Variants in DNAH6 observed in about 807,000 individuals in gnomAD.
The protein encoded by DNAH6 is axonemal beta dynein heavy chain 6.
A neutral mutation model predicts 491.4 loss-of-function variants in DNAH6; 340 were observed. The ratio of observed to expected loss-of-function variants is 0.69; its 90% CI spans 0.63 to 0.76. The LOEUF (loss-of-function observed/expected upper bound fraction) is 0.76. Ranked by LOEUF, DNAH6 falls within the 30% of genes least tolerant of loss-of-function variation. The probability of loss-of-function intolerance (pLI) is 0.00; values close to 1 mark genes in which losing one functional copy is unlikely to be tolerated. For missense variants in DNAH6, 4,443 were observed against 4,972.2 expected (o/e 0.89, Z 3.20); for synonymous variants, 1,603 against 1,686.1 (o/e 0.95, Z 1.21).
intron 11 of DNAH6, among the ~76,000 whole-genome samples, chr2:84,565,363 C>A (rs1681086553): frequency 6.7e-6 from 1 of 149,454 alleles, no homozygotes; most frequent in African/African-American, 2.5e-5. Flanking sequence ...ATTATTTATT[C>A]AATTTCAGAA....
At chr2:84,716,904 G>A (rs545174024) in intron 58 of DNAH6, among the ~76,000 whole-genome samples, 4 of 152,252 alleles carry the variant, frequency 2.6e-5, no homozygotes, top group Admixed American at 6.5e-5. Flanking sequence ...CTGACAGGCC[G>A]TCACCTATTT....
At chr2:84,681,263 T>C (rs1693749721) in intron 41 of DNAH6, 94 bp from the exon 42 acceptor site, 3 of 1,161,742 alleles carry the variant, frequency 2.6e-6, no homozygotes, top group Non-Finnish European at 3.5e-6. Flanking sequence ...TTTGGCTTTC[T>C]ATTATTAGAA....
At chr2:84,750,385 A>G (rs1254985000) in intron 63 of DNAH6, among the ~76,000 whole-genome samples, 1 of 151,912 alleles carries the variant, frequency 6.6e-6, no homozygotes, top group African/African-American at 2.4e-5. Flanking sequence ...GGGTTTTGCC[A>G]TGTTACCCAG....
At chr2:84,690,843 A>C (rs969209134) in intron 45 of DNAH6, among the ~76,000 whole-genome samples, 1 of 152,240 alleles carries the variant, frequency 6.6e-6, no homozygotes, top group African/African-American at 2.4e-5. Context: ...TTAATTACTA[A>C]ATACTCAGTA....
At chr2:84,713,547 G>A (rs1165611649) in intron 57 of DNAH6, among the ~76,000 whole-genome samples, 3 of 152,144 alleles carry the variant, frequency 2.0e-5, no homozygotes, top group Non-Finnish European at 2.9e-5. Context: ...CAGTGCCCTC[G>A]CCATCTCCCT....
At chr2:84,652,576 T>A (rs1006916047) in intron 33 of DNAH6, among the ~76,000 whole-genome samples, 3 of 152,192 alleles carry the variant, frequency 2.0e-5, no homozygotes, top group Non-Finnish European at 4.4e-5. Context: ...ACTGTCAACT[T>A]TTTTTACAGT....
chr2:84,697,871 A>T lies in DNAH6; in HGVS notation c.7677+144A>T, dbSNP rs1695540898. On this transcript the variant is annotated intron_variant, in intron 47 of 76. Transcript: ENST00000389394. ...GTTTCCTTTGTATTCGATGTATTTT[A>T]TTTTCGGTGTTTAAAGCATTGGGTC... 7 of 890,244 alleles carry T rather than the reference A, an allele frequency of 7.9e-6. No individual in the cohort carries two copies. In the East Asian group the frequency reaches 8.0e-5, roughly 10 times the overall value. 55.1% of individuals were successfully genotyped at this position (890,244 alleles called of 1,614,324 possible). A position where few individuals can be genotyped will look rare whatever the true frequency, so the allele number is the denominator to read the frequency against.
chr2:84,650,494 C>G (rs1177900747), intron 33 of DNAH6, among the ~76,000 whole-genome samples: 5 of 148,210 alleles, frequency 3.4e-5, no homozygotes, highest in African/African-American at 1.3e-4. Flanking sequence ...CTAATAGGCT[C>G]TCTGTATTTT....
chr2:84,685,229 G>C (rs984511949), intron 42 of DNAH6, 97 bp from the exon 43 acceptor site: 2 of 884,574 alleles, frequency 2.3e-6, no homozygotes, highest in African/African-American at 1.7e-5. Context: ...GCAATATGAG[G>C]GTAAAGTTGT....
chr2:84,708,189 G>A (rs1331081829), intron 54 of DNAH6, among the ~76,000 whole-genome samples: 1 of 151,970 alleles, frequency 6.6e-6, no homozygotes, highest in African/African-American at 2.4e-5. Flanking sequence ...TATAATCCCA[G>A]CACTTTGGGA....
intron 41 of DNAH6, among the ~76,000 whole-genome samples, chr2:84,679,247 T>C (rs765409031): frequency 1.3e-5 from 2 of 152,224 alleles, no homozygotes; most frequent in Non-Finnish European, 2.9e-5. Flanking sequence ...CTTTCTTTGA[T>C]AGTCTGTTGC....
chr2:84,525,467 T>C (rs1676521620), intron 2 of DNAH6, 98 bp from the exon 3 acceptor site: 16 of 1,214,664 alleles, frequency 1.3e-5, no homozygotes, highest in Non-Finnish European at 1.8e-5. Flanking sequence ...TCCAAGGAGA[T>C]CAATTTCCAA....
chr2:84,463,661 C>T, the DNAH6 span, among the ~76,000 whole-genome samples: 3 of 152,098 alleles, frequency 2.0e-5, no homozygotes, highest in African/African-American at 4.8e-5. Flanking sequence ...GAGATATGTG[C>T]GGAGTCAGGA....
intron 33 of DNAH6, among the ~76,000 whole-genome samples, chr2:84,647,773 G>A (rs191774767): frequency 4.5e-4 from 69 of 152,266 alleles, no homozygotes; most frequent in Middle Eastern, 3.4e-3. Flanking sequence ...TCACATTGCT[G>A]TAGTATACTG....
intron 22 of DNAH6, among the ~76,000 whole-genome samples, chr2:84,614,667 C>G (rs1228700969): frequency 6.6e-6 from 1 of 151,950 alleles, no homozygotes; most frequent in Admixed American, 6.6e-5. Flanking sequence ...GAAAAGTGTT[C>G]CCTTTCCACC....
chr2:84,613,260 A>G (rs1686509112), intron 22 of DNAH6, among the ~76,000 whole-genome samples: 1 of 152,020 alleles, frequency 6.6e-6, no homozygotes, highest in South Asian at 2.1e-4. Flanking sequence ...GAGCATTGTT[A>G]AAGGAGGAGG....
chr2:84,665,047 C>G (rs1691943253), intron 37 of DNAH6, among the ~76,000 whole-genome samples: 1 of 152,060 alleles, frequency 6.6e-6, no homozygotes, highest in Non-Finnish European at 1.5e-5. Context: ...TCTTTGAAAC[C>G]AATGAGAACA....
At chr2:84,507,880 C>T in the DNAH6 span, among the ~76,000 whole-genome samples, 1 of 152,208 alleles carries the variant, frequency 6.6e-6, no homozygotes, top group Non-Finnish European at 1.5e-5. Flanking sequence ...TATTGATTTG[C>T]ATATTCTGAA....
chr2:84,733,894 T>C (rs1190978646), intron 62 of DNAH6, among the ~76,000 whole-genome samples: 1 of 152,002 alleles, frequency 6.6e-6, no homozygotes, highest in Non-Finnish European at 1.5e-5. Context: ...TTACTTTTTA[T>C]TGAAGGATAA....
Sources: gnomAD v4.1 joint callset for allele counts (sites outside exome capture counted in the v4.1 genomes callset) on GRCh38, gnomAD v4.1.1 for gene constraint, MANE v1.5 for transcripts, NCBI Gene and HGNC (gene_info 2026-07-23, HGNC 2026-07-21) for gene names.